The following JMJD1C variants were observed in gnomAD, a reference collection of about 807,000 sequenced individuals.
JMJD1C encodes jumonji domain containing 1C, also known as jumonji domain-containing protein 1C.
A neutral mutation model predicts 245.3 loss-of-function variants in JMJD1C; 31 were observed. The observed-to-expected ratio is 0.13, with a 90% CI of 0.09 to 0.17. JMJD1C has a LOEUF of 0.17. JMJD1C is among the 10% of genes least tolerant of loss of function. JMJD1C has a pLI of 1.00. For missense variants in JMJD1C, 2,691 were observed against 3,000.2 expected (o/e 0.90, Z 2.41); for synonymous variants, 1,057 against 1,017.4 (o/e 1.04, Z -0.74).
intron 5 of JMJD1C, 85 bp downstream of exon 5, chr10:63,217,122 A>T: frequency 8.5e-7 from 1 of 1,183,322 alleles, no homozygotes; most frequent in Non-Finnish European, 1.2e-6. Flanking sequence ...AAAATTATTT[A>T]GTATCAAATT....
intron 1 of JMJD1C, among the ~76,000 whole-genome samples, chr10:63,447,092 A>C (rs1250695999): frequency 1.3e-5 from 2 of 152,048 alleles, no homozygotes; most frequent in Non-Finnish European, 2.9e-5. Flanking sequence ...AAAAAAGACA[A>C]AACAGTATTT....
chr10:63,307,967 C>A (rs975285571), intron 2 of JMJD1C, among the ~76,000 whole-genome samples: 4 of 151,938 alleles, frequency 2.6e-5, no homozygotes, highest in African/African-American at 7.2e-5. Context: ...CTGGCCTACA[C>A]GGTGTAAACC....
chr10:63,180,808 G>A (rs1047092757), intron 22 of JMJD1C, among the ~76,000 whole-genome samples: 5 of 144,332 alleles, frequency 3.5e-5, no homozygotes, highest in Non-Finnish European at 6.0e-5. Context: ...TCGCTCTGTC[G>A]CCCAGGCTGG....
chr10:63,378,689 T>A (rs1946974602), intron 2 of JMJD1C, among the ~76,000 whole-genome samples: 1 of 152,218 alleles, frequency 6.6e-6, no homozygotes, highest in Non-Finnish European at 1.5e-5. Context: ...TACTGCTTCG[T>A]GCTTTTGAGA....
intron 2 of JMJD1C, among the ~76,000 whole-genome samples, chr10:63,341,809 C>T (rs973201108): frequency 2.0e-5 from 3 of 152,218 alleles, no homozygotes; most frequent in African/African-American, 7.2e-5. Context: ...TAAATATTAA[C>T]ACACGTTCTT....
Position 63,209,039 on chromosome 10 carries a change from A to T in JMJD1C, c.2867+24T>A, listed in dbSNP as rs746533716. 5 of 1,563,400 alleles carry T rather than the reference A, an allele frequency of 3.2e-6. No homozygotes were observed. In the East Asian group the frequency reaches 1.1e-4, roughly 35 times the overall value. On this transcript the variant is annotated intron_variant, in intron 9 of 25. Coordinates refer to ENST00000399262, the MANE Select transcript of JMJD1C (RefSeq NM_032776.3). ...AAAAATTATGAACAAGGTATTTATA[A>T]TTTTTAAGCACTGGTGAACTTACTC... is the stretch of plus-strand genomic sequence containing the variant.
intron 1 of JMJD1C, among the ~76,000 whole-genome samples, chr10:63,485,751 T>G (rs1336650791): frequency 6.6e-6 from 1 of 152,196 alleles, no homozygotes; most frequent in Non-Finnish European, 1.5e-5. Flanking sequence ...ATGAATGAAC[T>G]AATATTTTCC....
At chr10:63,301,067 G>A (rs915899253) in intron 2 of JMJD1C, among the ~76,000 whole-genome samples, 5 of 152,316 alleles carry the variant, frequency 3.3e-5, no homozygotes, top group Non-Finnish European at 5.9e-5. Context: ...CCAGGCTACA[G>A]TGCAGTGGCA....
At chr10:63,416,080 A>G (rs1289620518) in intron 1 of JMJD1C, among the ~76,000 whole-genome samples, 1 of 152,204 alleles carries the variant, frequency 6.6e-6, no homozygotes, top group Admixed American at 6.5e-5. Context: ...TCCAGATAGG[A>G]TAACTTCTCT....
intron 8 of JMJD1C, among the ~76,000 whole-genome samples, chr10:63,212,431 A>G (rs148337912): frequency 0.013 from 2,029 of 152,290 alleles, 28 homozygotes; most frequent in African/African-American, 0.034. Context: ...TTTAAAAGTG[A>G]TATCAATTTT....
At chr10:63,320,929 C>T (rs1317314740) in intron 2 of JMJD1C, among the ~76,000 whole-genome samples, 1 of 152,134 alleles carries the variant, frequency 6.6e-6, no homozygotes, top group Non-Finnish European at 1.5e-5. Flanking sequence ...AAGTTCATAG[C>T]CCCACCCCAG....
chr10:63,329,162 A>C (rs1941856724), intron 2 of JMJD1C, among the ~76,000 whole-genome samples: 1 of 152,026 alleles, frequency 6.6e-6, no homozygotes, highest in African/African-American at 2.4e-5. Context: ...TGCGCCTATA[A>C]TCCCAGCTAC....
At chr10:63,226,005 T>C (rs1470519811) in intron 3 of JMJD1C, among the ~76,000 whole-genome samples, 1 of 117,880 alleles carries the variant, frequency 8.5e-6, no homozygotes, top group African/African-American at 3.5e-5. Flanking sequence ...TCCCTCCACA[T>C]ACACTCTCTC....
chr10:63,357,031 C>T (rs1944903135), intron 2 of JMJD1C, among the ~76,000 whole-genome samples: 1 of 151,722 alleles, frequency 6.6e-6, no homozygotes, highest in South Asian at 2.1e-4. Context: ...TAATATATTA[C>T]TGACATTATA....
intron 2 of JMJD1C, among the ~76,000 whole-genome samples, chr10:63,358,010 G>A (rs7900050): frequency 0.14 from 21,309 of 151,252 alleles, 3,431 homozygotes; most frequent in African/African-American, 0.4. Flanking sequence ...TTTCTGGACA[G>A]GAGAAAAATG....
intron 2 of JMJD1C, among the ~76,000 whole-genome samples, chr10:63,266,016 G>T (rs1317603971): frequency 6.6e-6 from 1 of 151,926 alleles, no homozygotes; most frequent in African/African-American, 2.4e-5. Flanking sequence ...TTCCTAAGAG[G>T]AATTTCAGGT....
chr10:63,315,599 G>T (rs1316872029), intron 2 of JMJD1C, among the ~76,000 whole-genome samples: 6 of 152,098 alleles, frequency 3.9e-5, no homozygotes, highest in African/African-American at 1.4e-4. Context: ...AGCACTTTGG[G>T]AGGCCGAGGC....
chr10:63,320,250 C>A (rs1490909184), intron 2 of JMJD1C, among the ~76,000 whole-genome samples: 1 of 151,850 alleles, frequency 6.6e-6, no homozygotes, highest in Non-Finnish European at 1.5e-5. Context: ...GTAATTTTTT[C>A]TTTTAGATTT....
At chr10:63,268,684 G>T in intron 2 of JMJD1C, 1 of 981,272 alleles carries the variant, frequency 1.0e-6, no homozygotes, top group Non-Finnish European at 1.2e-6. Context: ...GAATTTTAAA[G>T]TATCTTTAAA....
Sources: gnomAD v4.1 joint callset for allele counts (sites outside exome capture counted in the v4.1 genomes callset) on GRCh38, gnomAD v4.1.1 for gene constraint, MANE v1.5 for transcripts, NCBI Gene and HGNC (gene_info 2026-07-23, HGNC 2026-07-21) for gene names.